SNX4: variants seen among roughly 807,000 people sequenced by gnomAD.
SNX4 encodes sorting nexin 4, also known as sorting nexin-4.
SNX4 carries 49 observed loss-of-function variants against 70.8 expected under a neutral mutation model. The ratio of observed to expected loss-of-function variants is 0.69; its 90% CI spans 0.55 to 0.88. The LOEUF (loss-of-function observed/expected upper bound fraction) is 0.88. SNX4 is among the 40% of genes least tolerant of loss of function. The pLI is 0.00. For missense variants in SNX4, 528 were observed against 544.8 expected (o/e 0.97, Z 0.31); for synonymous variants, 206 against 183.8 (o/e 1.12, Z -0.98).
chr3:125,495,270 A>ATG (rs1365099646), intron 5 of SNX4, among the ~76,000 whole-genome samples: 1 of 79,726 alleles, frequency 1.3e-5, no homozygotes, highest in Non-Finnish European at 2.6e-5. Flanking sequence ...ATATATATAT[A>ATG]TATATATACA....
At position 125,480,287 on chromosome 3, in the gene SNX4, T is replaced by C; in HGVS notation, c.686A>G (p.Glu229Gly). ...AAGATGTGAGATGACAGACTGCAGT[T>C]CATCACTATAGTGCTTAAGGTCAGT... ...RFTDLKHYSD[E>G]LQSVISHLLR... is the part of the protein sequence containing the mutation. Residue 229 changes from glutamate (E) to glycine (G), a missense_variant, in exon 7 of 14, where the codon GAA becomes GGA. Around this residue, in one of 3 missense-constraint regions of SNX4, gnomAD observed 341 missense variants for 312.2 expected, o/e 1.09. Transcript: ENST00000251775. 1 of 1,576,144 alleles carries C rather than the reference T, an allele frequency of 6.3e-7. No individual in the cohort carries two copies. The highest frequency in any genetic ancestry group is 8.6e-7 in the Non-Finnish European group (1 of 1,159,080).
chr3:125,476,347 A>G (rs1481478349), intron 8 of SNX4, among the ~76,000 whole-genome samples: 1 of 151,236 alleles, frequency 6.6e-6, no homozygotes, highest in African/African-American at 2.4e-5. Flanking sequence ...CTAGGCAGGC[A>G]GATCACTTGA....
intron 5 of SNX4, among the ~76,000 whole-genome samples, chr3:125,493,792 G>T (rs1354321227): frequency 1.3e-5 from 2 of 152,036 alleles, no homozygotes; most frequent in Admixed American, 1.3e-4. Flanking sequence ...AGCACTTTGG[G>T]AGGCTGAGGC....
chr3:125,465,409 CTAATT>C (rs1241803597), intron 9 of SNX4, among the ~76,000 whole-genome samples: 2 of 151,598 alleles, frequency 1.3e-5, no homozygotes, highest in African/African-American at 2.4e-5. Context: ...CCACACCTGG[CTAATT>C]TATTTTGTAT....
chr3:125,451,471 AC>A, intron 12 of SNX4, 52 bp from the exon 13 acceptor site: 1 of 1,350,962 alleles, frequency 7.4e-7, no homozygotes. Context: ...TAAACTGTGT[AC>A]TAAAAAGTTA....
chr3:125,493,819 C>A (rs1453321870), intron 5 of SNX4, among the ~76,000 whole-genome samples: 1 of 151,888 alleles, frequency 6.6e-6, no homozygotes, highest in East Asian at 1.9e-4. Context: ...ATCACAAGGT[C>A]AGGAGATCGA....
At chr3:125,454,937 T>A (rs1310714158) in intron 11 of SNX4, among the ~76,000 whole-genome samples, 2 of 149,940 alleles carry the variant, frequency 1.3e-5, no homozygotes, top group Non-Finnish European at 3.0e-5. Flanking sequence ...CTGAATTTCT[T>A]TTTTTTTTTG....
intron 13 of SNX4, 65 bp from the exon 14 acceptor site, chr3:125,447,891 G>A: frequency 9.8e-7 from 1 of 1,017,994 alleles, no homozygotes. Flanking sequence ...CAAGTACTTG[G>A]CTTAGTGGTA....
At chr3:125,506,484 G>C (rs1367361064) in intron 1 of SNX4, among the ~76,000 whole-genome samples, 3 of 150,660 alleles carry the variant, frequency 2.0e-5, no homozygotes, top group Non-Finnish European at 4.4e-5. Flanking sequence ...AGGATTACAG[G>C]CTTGTGCCAC....
intron 11 of SNX4, among the ~76,000 whole-genome samples, chr3:125,455,203 G>A (rs1019931441): frequency 1.1e-4 from 16 of 152,062 alleles, no homozygotes; most frequent in African/African-American, 2.2e-4. Context: ...TAAAGGTGTC[G>A]GGATTGCCAT....
chr3:125,493,249 T>G (rs565895976), intron 5 of SNX4, among the ~76,000 whole-genome samples: 2 of 152,294 alleles, frequency 1.3e-5, no homozygotes, highest in African/African-American at 4.8e-5. Context: ...AAGCCCAGAT[T>G]GAGTATTTAT....
At chr3:125,473,245 G>T (rs952765078) in intron 8 of SNX4, among the ~76,000 whole-genome samples, 2 of 152,116 alleles carry the variant, frequency 1.3e-5, no homozygotes, top group Non-Finnish European at 2.9e-5. Flanking sequence ...ACATCCATGA[G>T]TAGGGACTTT....
intron 1 of SNX4, among the ~76,000 whole-genome samples, chr3:125,512,610 T>C (rs909150994): frequency 1.3e-5 from 2 of 152,192 alleles, no homozygotes; most frequent in Non-Finnish European, 2.9e-5. Flanking sequence ...GCTTGTTGAA[T>C]GGCAGATGAG....
At position 125,451,375 on chromosome 3, in the gene SNX4, T is replaced by C. The variant is rs773478621; in HGVS notation, c.1235A>G (p.Glu412Gly). The C allele has an allele frequency of 6.2e-7, 1 of 1,613,990 alleles. No homozygotes were observed. Among genetic ancestry groups the C allele is most frequent in the African/African-American group, 1.3e-5 (1 of 75,060 alleles). The change falls in exon 13 of 14, where the codon GAA becomes GGA. Residue 412 changes from glutamate to glycine, a missense_variant. Transcript: ENST00000251775. ...CTCCTTTAAGTCTCGGTTCTTTTGT[T>C]CTTTGAAGCGTTCAATATCAGCCCA... ...NAWADIERFKEQKNRDLKEAL... is the reference protein window; with the variant it reads ...NAWADIERFKGQKNRDLKEAL...
At chr3:125,470,208 GTAATT>G (rs981983102) in intron 8 of SNX4, among the ~76,000 whole-genome samples, 38 of 152,142 alleles carry the variant, frequency 2.5e-4, no homozygotes, top group African/African-American at 8.7e-4. Flanking sequence ...TCTTATTTGC[GTAATT>G]TAAAGTGGCT....
intron 8 of SNX4, among the ~76,000 whole-genome samples, chr3:125,471,374 T>G (rs577779490): frequency 1.2e-5 from 1 of 80,142 alleles, no homozygotes; most frequent in Non-Finnish European, 2.3e-5. Context: ...AAAAAAAAGC[T>G]TTTCACCACT....
At chr3:125,457,994 T>C (rs1046959144) in intron 10 of SNX4, among the ~76,000 whole-genome samples, 94 of 152,090 alleles carry the variant, frequency 6.2e-4, no homozygotes, top group African/African-American at 2.2e-3. Flanking sequence ...ATGTGAGAAC[T>C]ACATACATAA....
intron 1 of SNX4, among the ~76,000 whole-genome samples, chr3:125,507,449 A>G (rs895115601): frequency 6.6e-6 from 1 of 152,082 alleles, no homozygotes; most frequent in Non-Finnish European, 1.5e-5. Flanking sequence ...TAGTAAGGAG[A>G]GGGGAGAGAG....
intron 1 of SNX4, among the ~76,000 whole-genome samples, chr3:125,505,117 G>A (rs528895204): frequency 1.1e-4 from 17 of 152,012 alleles, no homozygotes; most frequent in Non-Finnish European, 2.4e-4. Flanking sequence ...TTACAGGCAC[G>A]CACCAACATG....
Sources: allele counts gnomAD v4.1 joint callset (sites outside exome capture counted in the v4.1 genomes callset), GRCh38; gene constraint gnomAD v4.1.1; regional missense constraint gnomAD v4.1.1; transcripts MANE v1.5; gene names NCBI Gene and HGNC (gene_info 2026-07-23, HGNC 2026-07-21).